The following PHACTR1 variants were observed in gnomAD, a reference collection of about 807,000 sequenced individuals.
The protein encoded by PHACTR1 is RPEL repeat containing 1.
In PHACTR1, 16 loss-of-function variants were observed where a neutral mutation model predicts 69.2. The observed-to-expected ratio is 0.23, with a 90% CI of 0.16 to 0.35. The LOEUF (loss-of-function observed/expected upper bound fraction) is 0.35. Ranked by LOEUF, PHACTR1 falls within the 10% of genes least tolerant of loss-of-function variation. The pLI is 1.00. For missense variants in PHACTR1, 510 were observed against 734.7 expected, an observed-to-expected ratio of 0.69 and a Z score of 3.54; for synonymous variants, 312 against 284.5, an observed-to-expected ratio of 1.10 and a Z score of -0.97.
At chr6:12,776,182 A>G (rs1770037624) in intron 4 of PHACTR1, among the ~76,000 whole-genome samples, 1 of 152,238 alleles carries the variant, frequency 6.6e-6, no homozygotes, top group Non-Finnish European at 1.5e-5. Context: ...TTTTAAAAAT[A>G]TACAAATCCA....
chr6:12,891,312 A>G (rs1784151696), intron 4 of PHACTR1, among the ~76,000 whole-genome samples: 1 of 152,124 alleles, frequency 6.6e-6, no homozygotes, highest in African/African-American at 2.4e-5. Flanking sequence ...AACATGATGT[A>G]GTTTAATCCA....
At chr6:13,162,311 G>A (rs116344518) in intron 6 of PHACTR1, among the ~76,000 whole-genome samples, 2,788 of 145,058 alleles carry the variant, frequency 0.019, 35 homozygotes, top group Middle Eastern at 0.035. Flanking sequence ...TTTTTAAGTA[G>A]AGATGGGGTT....
chr6:13,191,517 C>T (rs756186836), intron 7 of PHACTR1, among the ~76,000 whole-genome samples: 1 of 152,162 alleles, frequency 6.6e-6, no homozygotes, highest in Non-Finnish European at 1.5e-5. Context: ...CACTTTAGGA[C>T]TGGCTAGTTT....
chr6:12,797,040 T>TGTGTGTGTGTGTGTGTGAGA (rs563796658), intron 4 of PHACTR1, among the ~76,000 whole-genome samples: 78 of 133,392 alleles, frequency 5.8e-4, no homozygotes, highest in Non-Finnish European at 7.6e-4. Context: ...TGTGTGTGTG[T>TGTGTGTGTGTGTGTGTGAGA]GAGAGAGAGA....
At chr6:13,041,834 G>A (rs1026424521) in intron 4 of PHACTR1, among the ~76,000 whole-genome samples, 7 of 152,160 alleles carry the variant, frequency 4.6e-5, no homozygotes, top group Admixed American at 1.3e-4. Flanking sequence ...GTGATGATAC[G>A]TCTCTAGACT....
chr6:13,053,076 C>T (rs891934674), intron 4 of PHACTR1, among the ~76,000 whole-genome samples: 3 of 152,166 alleles, frequency 2.0e-5, no homozygotes, highest in South Asian at 2.1e-4. Flanking sequence ...CTGTTTTGGG[C>T]GGTAGTCCCT....
intron 4 of PHACTR1, among the ~76,000 whole-genome samples, chr6:12,782,493 A>T (rs1178509605): frequency 6.6e-6 from 1 of 152,218 alleles, no homozygotes; most frequent in Non-Finnish European, 1.5e-5. Flanking sequence ...AATACTGGGA[A>T]TATGATTAAT....
intron 4 of PHACTR1, among the ~76,000 whole-genome samples, chr6:13,046,128 T>G (rs901046707): frequency 2.6e-5 from 4 of 152,170 alleles, no homozygotes; most frequent in African/African-American, 9.7e-5. Flanking sequence ...CTGCCAGATG[T>G]CATGATGTGG....
intron 5 of PHACTR1, among the ~76,000 whole-genome samples, chr6:13,091,183 G>C (rs370488033): frequency 1.3e-5 from 2 of 151,918 alleles, no homozygotes; most frequent in Non-Finnish European, 2.9e-5. Flanking sequence ...ATTTTTAGTA[G>C]AGACGGGTTT....
intron 4 of PHACTR1, among the ~76,000 whole-genome samples, chr6:13,034,337 G>A (rs1249314665): frequency 1.3e-5 from 2 of 152,160 alleles, no homozygotes; most frequent in African/African-American, 4.8e-5. Flanking sequence ...TTTTTCTAAT[G>A]CACAAAGCTG....
rs368710486 is a variant in PHACTR1 at position 12,871,651 on chromosome 6, AG to A, written c.250+121863del. Among the ~76,000 whole-genome samples, 534 of 152,222 alleles carry A rather than the reference AG, an allele frequency of 3.5e-3. 2 individuals carry two copies. The highest frequency in any genetic ancestry group is 0.012 in the African/African-American group (490 of 41,546). On this transcript the variant is annotated intron_variant, in intron 4 of 14. Transcript: ENST00000332995. The stretch of plus-strand genomic sequence containing the variant: ...AGAATACTTTATGGGTAGTCATCTA[AG>A]GTCTGATTGCCCCCTGTTTGGTGAT...
At chr6:12,873,452 A>T (rs1384550451) in intron 4 of PHACTR1, among the ~76,000 whole-genome samples, 1 of 152,124 alleles carries the variant, frequency 6.6e-6, no homozygotes, top group Non-Finnish European at 1.5e-5. Flanking sequence ...GCTCTCAAGG[A>T]CATTATAGTG....
chr6:12,734,954 A>C (rs2127577114), intron 3 of PHACTR1, among the ~76,000 whole-genome samples: 1 of 152,330 alleles, frequency 6.6e-6, no homozygotes, highest in East Asian at 1.9e-4. Flanking sequence ...CACAGTTATT[A>C]CTTTTCTATT....
intron 5 of PHACTR1, among the ~76,000 whole-genome samples, chr6:13,104,442 A>G (rs531558500): frequency 1.3e-5 from 2 of 152,362 alleles, no homozygotes; most frequent in African/African-American, 4.8e-5. Context: ...GAAATATGAC[A>G]GGGACCTTGC....
In PHACTR1 at chr6:12,889,786, T is replaced by C. The variant is rs929779825; in HGVS notation, c.250+139996T>C. Among the ~76,000 whole-genome samples the C allele has an allele frequency of 1.5e-3, 213 of 140,824 alleles. 3 individuals are homozygous for C. Among genetic ancestry groups the C allele is most frequent in the African/African-American group, 5.5e-3 (210 of 38,250 alleles). The allele number at this position is 140,824 out of a possible 152,430, so 92.4% of individuals were successfully genotyped here. ...TTCCTCTTCTTCTCCTCCTCCTCCT[T>C]CTCCTTCTTCCTTTTTTTTTTTTTT... On this transcript the variant is annotated intron_variant, in intron 4 of 14. Transcript: ENST00000332995.
At chr6:12,946,125 A>G (rs1271051706) in intron 4 of PHACTR1, among the ~76,000 whole-genome samples, 1 of 151,814 alleles carries the variant, frequency 6.6e-6, no homozygotes, top group Non-Finnish European at 1.5e-5. Context: ...AGGAGCATAT[A>G]TTGGGAAATG....
chr6:13,167,653 T>A (rs1281635522), intron 6 of PHACTR1, among the ~76,000 whole-genome samples: 1 of 152,238 alleles, frequency 6.6e-6, no homozygotes, highest in Non-Finnish European at 1.5e-5. Flanking sequence ...ACTGACAGTG[T>A]GCCAGTGAGC....
chr6:13,121,512 C>T (rs887723287), intron 5 of PHACTR1, among the ~76,000 whole-genome samples: 13 of 152,116 alleles, frequency 8.5e-5, no homozygotes, highest in Non-Finnish European at 1.2e-4. Context: ...CAGGAGTTAA[C>T]GATTACACTC....
intron 4 of PHACTR1, among the ~76,000 whole-genome samples, chr6:12,985,010 G>A (rs537889034): frequency 1.3e-5 from 2 of 152,248 alleles, no homozygotes; most frequent in Admixed American, 1.3e-4. Context: ...GCAAAAGCCG[G>A]GTTGTCCCTT....
Sources: allele counts gnomAD v4.1 joint callset (sites outside exome capture counted in the v4.1 genomes callset), GRCh38; gene constraint gnomAD v4.1.1; transcripts MANE v1.5; gene names NCBI Gene and HGNC (gene_info 2026-07-23, HGNC 2026-07-21).